The following LPAR3 variants were observed in gnomAD, a reference collection of about 807,000 sequenced individuals.
The protein encoded by LPAR3 is LPA receptor 3.
A neutral mutation model predicts 17.8 loss-of-function variants in LPAR3; 7 were observed. That is an observed-to-expected ratio of 0.39 (90% confidence interval 0.22 to 0.74). LPAR3 has a LOEUF of 0.74. Among genes scored for constraint, LPAR3 ranks in the 30% least tolerant of loss-of-function variants. The pLI is 0.40. For missense variants in LPAR3, 391 were observed against 453.4 expected (o/e 0.86, Z 1.25); for synonymous variants, 179 against 179.9 (o/e 0.99, Z 0.04).
intron 1 of LPAR3, among the ~76,000 whole-genome samples, chr1:84,873,757 TG>T (rs202115834): frequency 1.4e-5 from 2 of 138,518 alleles, no homozygotes; most frequent in Non-Finnish European, 3.0e-5. Flanking sequence ...TTTGCTTGTT[TG>T]TTTTTTTTTT....
intron 1 of LPAR3, among the ~76,000 whole-genome samples, chr1:84,882,622 AT>A (rs916044496): frequency 1.3e-5 from 2 of 152,242 alleles, no homozygotes; most frequent in African/African-American, 4.8e-5. Flanking sequence ...TGGTACTGGC[AT>A]AAAGTCCAAC....
intron 2 of LPAR3, among the ~76,000 whole-genome samples, chr1:84,853,447 T>A (rs1046298953): frequency 1.2e-4 from 18 of 152,198 alleles, no homozygotes; most frequent in African/African-American, 4.3e-4. Flanking sequence ...TTGGGGAAAG[T>A]GGCAAGGCTT....
intron 1 of LPAR3, among the ~76,000 whole-genome samples, chr1:84,878,548 T>C (rs1660298780): frequency 6.6e-6 from 1 of 152,178 alleles, no homozygotes; most frequent in African/African-American, 2.4e-5. Context: ...ACCACTTGCA[T>C]GTCAGGAACC....
chr1:84,863,651 G>T (rs545869202), intron 2 of LPAR3, among the ~76,000 whole-genome samples: 1 of 152,108 alleles, frequency 6.6e-6, no homozygotes, highest in Admixed American at 6.5e-5. Flanking sequence ...TAAAATACCA[G>T]TTTCCCCCCA....
chr1:84,824,842 A>G (rs1423741751), intron 2 of LPAR3, among the ~76,000 whole-genome samples: 2 of 152,180 alleles, frequency 1.3e-5, no homozygotes, highest in African/African-American at 4.8e-5. Context: ...CTGTTTCTGT[A>G]TCCATCTGGC....
At chr1:84,826,068 GCAATGTGAAGAAACGTCACTA>G (rs1659148667) in intron 2 of LPAR3, among the ~76,000 whole-genome samples, 1 of 151,882 alleles carries the variant, frequency 6.6e-6, no homozygotes, top group Admixed American at 6.6e-5. Flanking sequence ...GCGGAGTTGT[GCAATGTGAAGAAACGTCACTA>G]CATCACTACT....
At chr1:84,839,617 G>T (rs1024682345) in intron 2 of LPAR3, among the ~76,000 whole-genome samples, 4 of 152,140 alleles carry the variant, frequency 2.6e-5, no homozygotes, top group Admixed American at 6.5e-5. Flanking sequence ...GTTACAGTGA[G>T]CTAGGATCAC....
At chr1:84,858,045 AG>A (rs777952624) in intron 2 of LPAR3, among the ~76,000 whole-genome samples, 1 of 152,234 alleles carries the variant, frequency 6.6e-6, no homozygotes, top group Non-Finnish European at 1.5e-5. Flanking sequence ...ATGAGGGTTA[AG>A]TGAAATAAAA....
chr1:84,843,615 GA>G (rs1360901377), intron 2 of LPAR3, among the ~76,000 whole-genome samples: 1 of 152,264 alleles, frequency 6.6e-6, no homozygotes, highest in African/African-American at 2.4e-5. Flanking sequence ...GGTGTTGGCA[GA>G]GACTCGCTGA....
intron 2 of LPAR3, among the ~76,000 whole-genome samples, chr1:84,858,220 G>A (rs1659865693): frequency 6.6e-6 from 1 of 152,106 alleles, no homozygotes; most frequent in Admixed American, 6.5e-5. Context: ...GGTGGTTCAT[G>A]CCTGCAATCC....
At chr1:84,825,623 A>G (rs1372787201) in intron 2 of LPAR3, among the ~76,000 whole-genome samples, 1 of 152,174 alleles carries the variant, frequency 6.6e-6, no homozygotes, top group African/African-American at 2.4e-5. Flanking sequence ...ACTGTACTTT[A>G]TCTCTCTGAT....
At chr1:84,823,218 A>G (rs1659090112) in intron 2 of LPAR3, among the ~76,000 whole-genome samples, 1 of 152,218 alleles carries the variant, frequency 6.6e-6, no homozygotes, top group Non-Finnish European at 1.5e-5. Context: ...GTCACACATT[A>G]ACAGAATATT....
At chr1:84,825,238 G>A (rs1409214) in intron 2 of LPAR3, among the ~76,000 whole-genome samples, 43,188 of 152,080 alleles carry the variant, frequency 0.28, 6,910 homozygotes, top group East Asian at 0.54. Context: ...AGAGAATCTC[G>A]TGGTAAAATT....
intron 1 of LPAR3, among the ~76,000 whole-genome samples, chr1:84,873,606 G>A (rs1660198831): frequency 6.6e-6 from 1 of 152,144 alleles, no homozygotes; most frequent in Admixed American, 6.5e-5. Flanking sequence ...TATTAGAGGG[G>A]TGCTTGTTAA....
chr1:84,826,875 T>C (rs1659166517), intron 2 of LPAR3, among the ~76,000 whole-genome samples: 2 of 152,222 alleles, frequency 1.3e-5, no homozygotes, highest in South Asian at 2.1e-4. Flanking sequence ...TTTTAAGTAA[T>C]ACATCTTCAC....
At chr1:84,882,784 T>C (rs1371610512) in intron 1 of LPAR3, among the ~76,000 whole-genome samples, 1 of 152,234 alleles carries the variant, frequency 6.6e-6, no homozygotes, top group Non-Finnish European at 1.5e-5. Flanking sequence ...AACCTGCACG[T>C]TGTGCACATG....
intron 1 of LPAR3, among the ~76,000 whole-genome samples, chr1:84,890,408 T>C (rs1030664848): frequency 1.3e-5 from 2 of 152,240 alleles, no homozygotes; most frequent in South Asian, 4.1e-4. Context: ...GCAACCAGCA[T>C]TTAAGGAGTA....
rs1406966981 is a variant in LPAR3 at position 84,865,439 on chromosome 1, T to C, written c.682A>G (p.Ile228Val). 1.2e-6 allele frequency: 2 copies of C among 1,614,194 alleles called. No homozygotes were observed. The highest frequency in any genetic ancestry group is 2.2e-5 in the East Asian group (1 of 44,874). ...NVLSPHTSGS[I>V]SRRRTPMKLM... ...TTCATGGGTGTCCTCCGGCGGCTGATGGACCCACTTGTATGCGGAGACAAG... is the reference window on the plus strand; with the variant it reads ...TTCATGGGTGTCCTCCGGCGGCTGACGGACCCACTTGTATGCGGAGACAAG... Residue 228 changes from isoleucine (I) to valine (V), a missense_variant, in exon 2 of 3, where the codon ATC (isoleucine) becomes GTC (valine). By Grantham distance (29) the Ile-to-Val change is conservative. Transcript: ENST00000370611.
chr1:84,852,368 T>C (rs2102759456), intron 2 of LPAR3, among the ~76,000 whole-genome samples: 1 of 152,304 alleles, frequency 6.6e-6, no homozygotes, highest in Non-Finnish European at 1.5e-5. Context: ...CATGAGCCAC[T>C]ATACCCAGCC....
Sources: gnomAD v4.1 joint callset for allele counts (sites outside exome capture counted in the v4.1 genomes callset) on GRCh38, gnomAD v4.1.1 for gene constraint, MANE v1.5 for transcripts, NCBI Gene and HGNC (gene_info 2026-07-23, HGNC 2026-07-21) for gene names.